The following ADGRG1 variants were observed in gnomAD, a reference collection of about 807,000 sequenced individuals.
The protein encoded by ADGRG1 is adhesion G protein-coupled receptor G1, also known as 7-transmembrane protein with no EGF-like N-terminal domains-1.
ADGRG1 carries 53 observed loss-of-function variants against 73.5 expected under a neutral mutation model. The ratio of observed to expected loss-of-function variants is 0.72; its 90% CI spans 0.58 to 0.91. ADGRG1 has a LOEUF of 0.91. Among genes scored for constraint, ADGRG1 ranks in the 40% least tolerant of loss-of-function variants. The probability of loss-of-function intolerance (pLI) is 0.00; values close to 1 mark genes in which losing one functional copy is unlikely to be tolerated. For synonymous variants in ADGRG1, 394 were observed against 374.4 expected, an observed-to-expected ratio of 1.05 and a Z score of -0.60; for missense variants, 795 against 871.8, an observed-to-expected ratio of 0.91 and a Z score of 1.11.
intron 3 of ADGRG1, chr16:57,652,233 A>G: frequency 5.7e-6 from 4 of 697,204 alleles, no homozygotes; most frequent in South Asian, 6.5e-5. Context: ...TGACAGGTAC[A>G]TGTGGCCACT....
At chr16:57,655,602 G>T (rs2045516709) in intron 6 of ADGRG1, 72 bp downstream of exon 6, 2 of 1,607,520 alleles carry the variant, frequency 1.2e-6, no homozygotes, top group South Asian at 1.1e-5. Context: ...AAGAAGGCAC[G>T]CAGATGAGCT....
At position 57,632,444 on chromosome 16, in the gene ADGRG1, G is replaced by C. The variant is rs6499904; in HGVS notation, c.-36+3642G>C. ...ATTATGAGCATGAAGAGAGTTGATAGAGGAAAGCATATGGGAAAGTGCCTT... is the reference window on the plus strand; with the variant it reads ...ATTATGAGCATGAAGAGAGTTGATACAGGAAAGCATATGGGAAAGTGCCTT... On this transcript the variant is annotated intron_variant, in intron 1 of 13. Coordinates refer to ENST00000562631, the MANE Select transcript of ADGRG1 (RefSeq NM_201525.4). 7.5e-6 allele frequency: 4 copies of C among 536,544 alleles called. No individual in the cohort carries two copies. In the African/African-American group the frequency reaches 8.3e-5, roughly 11 times the overall value. The allele number at this position is 536,544 out of a possible 1,614,324, so 33.2% of individuals were successfully genotyped here. A position where few individuals can be genotyped will look rare whatever the true frequency, so the allele number is the denominator to read the frequency against.
chr16:57,624,790 G>A (rs1428881893), upstream of ADGRG1: 14 of 794,164 alleles, frequency 1.8e-5, no homozygotes, highest in African/African-American at 1.1e-4. Flanking sequence ...CTACCTCCCC[G>A]GCAGCCTCCT....
upstream of ADGRG1, chr16:57,623,243 T>C (rs921993175): frequency 1.1e-5 from 11 of 984,524 alleles, no homozygotes; most frequent in South Asian, 9.4e-5. Flanking sequence ...CTTCCGGGGG[T>C]GGGGTGGATA....
chr16:57,657,309 A>G (rs1367287133), intron 9 of ADGRG1, 64 bp from the exon 10 acceptor site: 6 of 1,609,824 alleles, frequency 3.7e-6, no homozygotes, highest in Non-Finnish European at 5.1e-6. Flanking sequence ...CCCCTCACGC[A>G]GGGCAAGCCT....
At chr16:57,636,160 C>G in intron 1 of ADGRG1, 2 of 985,388 alleles carry the variant, frequency 2.0e-6, no homozygotes, top group Non-Finnish European at 2.4e-6. Context: ...CTTTGCACAT[C>G]TGCTACCTGG....
At chr16:57,653,594 G>A (rs2044695632) in intron 4 of ADGRG1, 1 of 984,718 alleles carries the variant, frequency 1.0e-6, no homozygotes, top group Non-Finnish European at 1.2e-6. Context: ...GTGGTCCACA[G>A]TACAGCCCAG....
chr16:57,656,300 C>G (rs1295169801), intron 8 of ADGRG1, 29 bp downstream of exon 8: 1 of 1,561,378 alleles, frequency 6.4e-7, no homozygotes, highest in East Asian at 2.2e-5. Context: ...CTGGGCTGGA[C>G]AAGTATCTGG....
intron 10 of ADGRG1, 130 bp downstream of exon 10, chr16:57,657,621 G>A (rs2046068478): frequency 2.5e-6 from 2 of 796,002 alleles, no homozygotes. Flanking sequence ...TAGGGGAGCT[G>A]TTTGGGGTAA....
intron 10 of ADGRG1, 82 bp from the exon 11 acceptor site, chr16:57,659,331 G>A (rs1170415471): frequency 1.2e-6 from 2 of 1,606,264 alleles, no homozygotes; most frequent in Non-Finnish European, 1.7e-6. Flanking sequence ...GGGCAGTCTG[G>A]GAAGGCTTCC....
chr16:57,628,479 C>G, upstream of ADGRG1: 1 of 981,816 alleles, frequency 1.0e-6, no homozygotes, highest in Non-Finnish European at 1.2e-6. Flanking sequence ...TCAGCGCTCT[C>G]AGCCCTGCCC....
intron 12 of ADGRG1, chr16:57,661,288 G>A (rs2047014115): frequency 1.0e-6 from 1 of 985,246 alleles, no homozygotes; most frequent in African/African-American, 1.7e-5. Context: ...AGGATGAGTG[G>A]GGTTGAAGTC....
upstream of ADGRG1, chr16:57,625,722 C>A: frequency 4.4e-6 from 4 of 914,904 alleles, no homozygotes; most frequent in Non-Finnish European, 5.2e-6. Flanking sequence ...GCTAATCAGG[C>A]CTCTCCCTAC....
intron 1 of ADGRG1, chr16:57,639,501 G>A: frequency 1.0e-6 from 1 of 985,496 alleles, no homozygotes; most frequent in South Asian, 4.7e-5. Context: ...CAGTGAGGGA[G>A]CAGTGGCTGG....
At chr16:57,652,855 G>A (rs2044442606) in intron 3 of ADGRG1, 1 of 1,139,872 alleles carries the variant, frequency 8.8e-7, no homozygotes, top group South Asian at 2.1e-5. Flanking sequence ...GGAGTCCCAG[G>A]AACCACCACC....
chr16:57,654,093 C>T lies in ADGRG1; in HGVS notation c.728C>T (p.Thr243Ile). ...INATVWKLQP[T>I]AGLQDLHIHS... ...GCCACGGTGTGGAAGCTCCAGCCCA[C>T]AGCCGGCCTCCAGGACCTGCACATC... Residue 243 changes from threonine (T) to isoleucine (I), a missense_variant, in exon 5 of 14, where the codon ACA becomes ATA. Coordinates refer to ENST00000562631, the MANE Select transcript of ADGRG1 (RefSeq NM_201525.4). 3 of 1,613,774 alleles carry T rather than the reference C, an allele frequency of 1.9e-6. No individual in the cohort carries two copies. Among genetic ancestry groups the T allele is most frequent in the Non-Finnish European group, 1.7e-6 (2 of 1,180,030 alleles).
rs1343993863 is a variant in ADGRG1 at position 57,657,388 on chromosome 16, G to A, written c.1183G>A (p.Val395Met). 2.6e-5 allele frequency: 42 copies of A among 1,613,922 alleles called. 1 individual carries two copies. In the East Asian group the frequency reaches 9.1e-4, roughly 35 times the overall value. ...CTGGGGCCAGGTCTCCTCGGTGGAG[G>A]TGGACGCCGTGCACAAGCACTACCT... ...FAVLMVSSVE[V>M]DAVHKHYLSL... is the part of the protein sequence containing the mutation. Residue 395 changes from valine (V) to methionine (M), a missense_variant, in exon 10 of 14, where the codon GTG becomes ATG. Physicochemically the swap from Val to Met is conservative, Grantham distance 21 (BLOSUM62 1). Transcript: ENST00000562631.
upstream of ADGRG1, chr16:57,624,265 C>A: frequency 1.8e-6 from 1 of 560,756 alleles, no homozygotes; most frequent in Non-Finnish European, 2.3e-6. Flanking sequence ...TTTGGGAGGT[C>A]AAGGTGGGAG....
chr16:57,658,960 G>A, intron 10 of ADGRG1: 1 of 985,080 alleles, frequency 1.0e-6, no homozygotes. Context: ...GGGTGGGGTG[G>A]GGTGTGCACA....
Sources: allele counts gnomAD v4.1 joint callset, GRCh38; gene constraint gnomAD v4.1.1; transcripts MANE v1.5; gene names NCBI Gene and HGNC (gene_info 2026-07-23, HGNC 2026-07-21).